Variants in FOXP2 observed in about 807,000 individuals in gnomAD.
The protein encoded by FOXP2 is forkhead box protein P2.
In FOXP2, 12 loss-of-function variants were observed where a neutral mutation model predicts 115.8. The observed-to-expected ratio is 0.10, with a 90% CI of 0.07 to 0.17. The LOEUF (loss-of-function observed/expected upper bound fraction) is 0.17, where lower values mean the gene tolerates loss of function less well. FOXP2 is among the 10% of genes least tolerant of loss of function. FOXP2 has a pLI of 1.00. For missense variants in FOXP2, 629 were observed against 843.5 expected (o/e 0.75, Z 3.15); for synonymous variants, 328 against 297.7 (o/e 1.10, Z -1.05).
intron 1 of FOXP2, among the ~76,000 whole-genome samples, chr7:114,230,072 A>G (rs546055278): frequency 1.1e-4 from 16 of 152,012 alleles, no homozygotes; most frequent in African/African-American, 3.9e-4. Flanking sequence ...AGAAATAAGA[A>G]TGATCATAAG....
intron 2 of FOXP2, among the ~76,000 whole-genome samples, chr7:114,509,064 A>G (rs1294152418): frequency 6.6e-6 from 1 of 152,084 alleles, no homozygotes; most frequent in African/African-American, 2.4e-5. Flanking sequence ...TGGTGTTAAG[A>G]TGGAAGTGTG....
chr7:114,162,300 A>T (rs1792862178), upstream of FOXP2, among the ~76,000 whole-genome samples: 1 of 152,150 alleles, frequency 6.6e-6, no homozygotes, highest in Non-Finnish European at 1.5e-5. Context: ...TTTGAGAATT[A>T]AGATGAAACC....
chr7:114,461,474 A>AT lies in FOXP2; in HGVS notation c.168+34806dup, dbSNP rs558928700. Among the ~76,000 whole-genome samples, 96 of 147,692 alleles carry AT rather than the reference A, an allele frequency of 6.5e-4. 1 individual carries two copies. The highest frequency in any genetic ancestry group is 1.6e-3 in the East Asian group (8 of 5,064). ...ATATGTGTTATTTTTCTGAGGTGGA[A>AT]TTTTTTTTTTTGGCTGAATATCAAG... On this transcript the variant is annotated intron_variant, in intron 2 of 16. Coordinates refer to ENST00000350908, the MANE Select transcript of FOXP2 (RefSeq NM_014491.4).
intron 1 of FOXP2, among the ~76,000 whole-genome samples, chr7:114,211,871 G>A (rs749012345): frequency 1.3e-5 from 2 of 151,982 alleles, no homozygotes; most frequent in Admixed American, 6.6e-5. Flanking sequence ...TCAGGAGTTC[G>A]AGACCAGCCT....
chr7:114,686,233 C>T (rs1808358897), intron 16 of FOXP2, among the ~76,000 whole-genome samples: 2 of 151,354 alleles, frequency 1.3e-5, no homozygotes, highest in Admixed American at 6.6e-5. Flanking sequence ...AGTCCAGTGG[C>T]ACTGTTTCGC....
At chr7:114,512,767 T>C (rs932335833) in intron 2 of FOXP2, among the ~76,000 whole-genome samples, 4 of 152,112 alleles carry the variant, frequency 2.6e-5, no homozygotes, top group Non-Finnish European at 5.9e-5. Flanking sequence ...AATATTGGGA[T>C]TCTTGGGGTC....
intron 1 of FOXP2, among the ~76,000 whole-genome samples, chr7:114,243,585 G>T (rs901719919): frequency 5.3e-5 from 8 of 152,016 alleles, no homozygotes; most frequent in Non-Finnish European, 8.8e-5. Context: ...TTATATTTGT[G>T]TCTTACTACT....
intron 2 of FOXP2, among the ~76,000 whole-genome samples, chr7:114,486,620 A>G (rs1440441825): frequency 6.6e-6 from 1 of 152,200 alleles, no homozygotes; most frequent in Non-Finnish European, 1.5e-5. Flanking sequence ...CCTTCTACCT[A>G]TCAGCCTGTA....
At chr7:114,566,710 C>T (rs1456177286) in intron 3 of FOXP2, among the ~76,000 whole-genome samples, 1 of 152,016 alleles carries the variant, frequency 6.6e-6, no homozygotes, top group African/African-American at 2.4e-5. Flanking sequence ...ACTAAGACAA[C>T]CACTATTCCA....
intron 1 of FOXP2, among the ~76,000 whole-genome samples, chr7:114,145,949 C>T (rs1327088511): frequency 2.6e-5 from 4 of 152,020 alleles, no homozygotes; most frequent in Non-Finnish European, 5.9e-5. Context: ...AGTAGCAAAA[C>T]ATTATTCTTT....
intron 3 of FOXP2, among the ~76,000 whole-genome samples, chr7:114,593,319 T>C (rs1802533400): frequency 6.6e-6 from 1 of 151,428 alleles, no homozygotes; most frequent in Admixed American, 6.6e-5. Flanking sequence ...AGAGAGGGAG[T>C]CTGTGTGTGT....
At chr7:114,552,827 A>T (rs1385774478) in intron 3 of FOXP2, among the ~76,000 whole-genome samples, 1 of 152,176 alleles carries the variant, frequency 6.6e-6, no homozygotes, top group Non-Finnish European at 1.5e-5. Flanking sequence ...TAGAAATATA[A>T]TTATATAGAG....
chr7:114,453,552 T>C (rs139690576), intron 2 of FOXP2, among the ~76,000 whole-genome samples: 3 of 152,276 alleles, frequency 2.0e-5, no homozygotes, highest in Admixed American at 2.0e-4. Flanking sequence ...TGGCAAGACA[T>C]GTGCCAGGGA....
chr7:114,179,877 A>T (rs1793413673), intron 1 of FOXP2, among the ~76,000 whole-genome samples: 1 of 152,118 alleles, frequency 6.6e-6, no homozygotes, highest in Admixed American at 6.5e-5. Context: ...TAACAAGGAG[A>T]CTATCATCAG....
At chr7:114,672,360 A>AGATC (rs1222669464) in intron 16 of FOXP2, among the ~76,000 whole-genome samples, 2 of 152,056 alleles carry the variant, frequency 1.3e-5, no homozygotes, top group Non-Finnish European at 2.9e-5. Flanking sequence ...CGAGGTGGGC[A>AGATC]GATCACCTGA....
chr7:114,585,360 T>C (rs1411662851), intron 3 of FOXP2, among the ~76,000 whole-genome samples: 1 of 152,084 alleles, frequency 6.6e-6, no homozygotes, highest in Non-Finnish European at 1.5e-5. Context: ...TTCTGATTAT[T>C]AGTAAAAATT....
chr7:114,625,093 G>A (rs555574123), intron 3 of FOXP2, among the ~76,000 whole-genome samples: 35 of 151,574 alleles, frequency 2.3e-4, no homozygotes, highest in African/African-American at 7.5e-4. Flanking sequence ...ATAAATAAGG[G>A]TAAATGGAGA....
At chr7:114,462,662 C>T (rs990331480) in intron 2 of FOXP2, among the ~76,000 whole-genome samples, 20 of 152,102 alleles carry the variant, frequency 1.3e-4, no homozygotes, top group African/African-American at 4.8e-4. Flanking sequence ...TGAGCCACCG[C>T]GCCCGGCTTC....
chr7:114,368,870 T>C (rs1022455615), intron 2 of FOXP2, among the ~76,000 whole-genome samples: 1 of 152,252 alleles, frequency 6.6e-6, no homozygotes, highest in Admixed American at 6.5e-5. Context: ...ATAGCTGTGT[T>C]ACAAACCATC....
Sources: gnomAD v4.1 joint callset for allele counts (sites outside exome capture counted in the v4.1 genomes callset) on GRCh38, gnomAD v4.1.1 for gene constraint, MANE v1.5 for transcripts, NCBI Gene and HGNC (gene_info 2026-07-23, HGNC 2026-07-21) for gene names.